MIOS: variants seen among roughly 807,000 people sequenced by gnomAD.
The protein encoded by MIOS is meiosis regulator for oocyte development.
MIOS carries 52 observed loss-of-function variants against 96.9 expected under a neutral mutation model. The observed-to-expected ratio is 0.54, with a 90% confidence interval of 0.43 to 0.68. The LOEUF (loss-of-function observed/expected upper bound fraction) is 0.68, where lower values mean the gene tolerates loss of function less well. Ranked by LOEUF, MIOS falls within the 30% of genes least tolerant of loss-of-function variation. The pLI, the probability that MIOS is intolerant of heterozygous loss-of-function variation, is 0.00. For synonymous variants in MIOS, 397 were observed against 359.5 expected, an observed-to-expected ratio of 1.10 and a Z score of -1.18; for missense variants, 1,005 against 1,052.8, an observed-to-expected ratio of 0.95 and a Z score of 0.63.
At chr7:7,577,716 G>C (rs1343142340) in intron 5 of MIOS, among the ~76,000 whole-genome samples, 1 of 152,122 alleles carries the variant, frequency 6.6e-6, no homozygotes, top group Non-Finnish European at 1.5e-5. Flanking sequence ...CTGTATGCAG[G>C]ATGTTTGAGT....
rs536143390 is a variant in MIOS at position 7,606,987 on chromosome 7, T to A, written c.2532-9T>A. The A allele has an allele frequency of 5.5e-5, 88 of 1,596,352 alleles. No individual in the cohort carries two copies. Among genetic ancestry groups the A allele is most frequent in the Non-Finnish European group, 6.7e-5 (78 of 1,169,384 alleles). ...GGATTTTTAACTGTTATTTGACCTATTTTTTTAGGGACCATGCAGAGTGCC... is the reference window on the plus strand; with the variant it reads ...GGATTTTTAACTGTTATTTGACCTAATTTTTTAGGGACCATGCAGAGTGCC... On this transcript the variant is annotated splice_polypyrimidine_tract_variant and intron_variant, in intron 12 of 12. Coordinates refer to ENST00000340080, the MANE Select transcript of MIOS (RefSeq NM_019005.4).
chr7:7,600,852 A>G (rs987137936), intron 11 of MIOS, among the ~76,000 whole-genome samples: 1 of 152,206 alleles, frequency 6.6e-6, no homozygotes, highest in African/African-American at 2.4e-5. Flanking sequence ...AAGAACAGAA[A>G]TTATAACAAA....
chr7:7,598,033 T>A (rs1234627983), intron 11 of MIOS, among the ~76,000 whole-genome samples: 1 of 152,172 alleles, frequency 6.6e-6, no homozygotes, highest in Non-Finnish European at 1.5e-5. Context: ...TGGGAAAAAA[T>A]TTTGAGAATA....
At chr7:7,582,617 T>C (rs1722505219) in intron 5 of MIOS, 7 of 977,914 alleles carry the variant, frequency 7.2e-6, no homozygotes, top group Non-Finnish European at 7.3e-6. Context: ...TAATCTTGTT[T>C]TTTAATGTAC....
intron 11 of MIOS, chr7:7,605,683 T>A: frequency 3.2e-6 from 1 of 309,794 alleles, no homozygotes. Context: ...ACTGATTTGG[T>A]CTCTCCAAAG....
chr7:7,601,507 C>G (rs2115493843), intron 11 of MIOS, among the ~76,000 whole-genome samples: 1 of 152,192 alleles, frequency 6.6e-6, no homozygotes, highest in Middle Eastern at 3.4e-3. Flanking sequence ...ATACACCCTC[C>G]CAAGACTAAA....
chr7:7,581,611 A>G (rs993219574), intron 5 of MIOS: 13 of 152,208 alleles, frequency 8.5e-5, no homozygotes, highest in African/African-American at 2.9e-4. Context: ...AGTTGTTGGC[A>G]GAATTCAGTT....
At chr7:7,575,100 A>C (rs377154524) in intron 5 of MIOS, among the ~76,000 whole-genome samples, 130 of 152,174 alleles carry the variant, frequency 8.5e-4, no homozygotes, top group African/African-American at 2.8e-3. Flanking sequence ...TCTGTGATCT[A>C]GGATTCGTTC....
intron 3 of MIOS, among the ~76,000 whole-genome samples, chr7:7,568,546 T>C (rs145495056): frequency 2.0e-4 from 31 of 152,408 alleles, no homozygotes; most frequent in Non-Finnish European, 3.4e-4. Flanking sequence ...GCTACTCTTA[T>C]GATGTGCAAC....
intron 11 of MIOS, chr7:7,605,693 G>T: frequency 2.8e-6 from 1 of 357,510 alleles, no homozygotes. Flanking sequence ...TCTCTCCAAA[G>T]TTTTAAATTT....
At chr7:7,600,806 C>T (rs1287142338) in intron 11 of MIOS, among the ~76,000 whole-genome samples, 3 of 152,166 alleles carry the variant, frequency 2.0e-5, no homozygotes. Context: ...AAATTGACCA[C>T]ATAGTTGGAA....
chr7:7,567,280 ACCT>A (rs1163513664), intron 1 of MIOS: 3 of 151,522 alleles, frequency 2.0e-5, no homozygotes, highest in East Asian at 3.9e-4. Context: ...ACCTGCGGAG[ACCT>A]CCTCGGGGCG....
chr7:7,587,787 A>G (rs1017363569), intron 7 of MIOS, among the ~76,000 whole-genome samples: 1 of 152,192 alleles, frequency 6.6e-6, no homozygotes, highest in African/African-American at 2.4e-5. Flanking sequence ...TAAAATTTTC[A>G]TAGGATGACT....
chr7:7,581,910 A>G (rs2115400365), intron 5 of MIOS: 1 of 151,458 alleles, frequency 6.6e-6, no homozygotes, highest in East Asian at 2.0e-4. Flanking sequence ...CCTTAATTAT[A>G]TCTGCAAAAT....
At chr7:7,593,518 A>T (rs1745370155) in intron 9 of MIOS, among the ~76,000 whole-genome samples, 1 of 152,048 alleles carries the variant, frequency 6.6e-6, no homozygotes, top group African/African-American at 2.4e-5. Flanking sequence ...CCAAAGCATC[A>T]TTGGAAGTAG....
chr7:7,608,714 G>C lies in MIOS; in HGVS notation c.*1622G>C, dbSNP rs561162770. ...CTTACTGTCTTAAATATGAAAGTCA[G>C]CTTTAAGTAATGTCAGACTCATATG... is the stretch of plus-strand genomic sequence containing the variant. On this transcript the variant is annotated 3_prime_UTR_variant, in exon 13 of 13. Coordinates refer to ENST00000340080, the MANE Select transcript of MIOS (RefSeq NM_019005.4). The C allele has an allele frequency of 1.3e-5, 2 of 152,030 alleles. No individual in the cohort carries two copies. Among genetic ancestry groups the C allele is most frequent in the South Asian group, 4.1e-4 (2 of 4,822 alleles). The allele number at this position is 152,030 out of a possible 1,614,324, so 9.4% of individuals were successfully genotyped here.
In MIOS at chr7:7,572,555, T is replaced by A. The variant is rs117148568; in HGVS notation, c.80T>A (p.Leu27His). The A allele has an allele frequency of 6.2e-7, 1 of 1,614,136 alleles. No homozygotes were observed. The highest frequency in any genetic ancestry group is 8.5e-7 in the Non-Finnish European group (1 of 1,180,000). ...RFVVCDSELS[L>H]YHVESTVNSE... ...GTTGTGTGTGACTCAGAACTAAGTC[T>A]TTATCATGTGGAATCTACTGTGAAT... Residue 27 changes from leucine to histidine, a missense_variant, in exon 4 of 13, where the codon CTT becomes CAT. By Grantham distance (99) the Leu-to-His change is moderately conservative. Transcript: ENST00000340080. This position sits in a 1 kb window ranked among gnomAD's most constrained non-coding sequence, Gnocchi z 4.8.
chr7:7,575,880 T>C (rs1415335696), intron 5 of MIOS, among the ~76,000 whole-genome samples: 1 of 141,014 alleles, frequency 7.1e-6, no homozygotes, highest in Non-Finnish European at 1.6e-5. Context: ...GGTTTTCAGC[T>C]TTTTTTTTTT....
intron 3 of MIOS, among the ~76,000 whole-genome samples, 185 bp downstream of exon 3, chr7:7,568,308 G>T (rs557733946): frequency 6.6e-6 from 1 of 152,220 alleles, no homozygotes; most frequent in East Asian, 1.9e-4. Context: ...TTGTGAGATG[G>T]AAATGGGATA....
Sources: gnomAD v4.1 joint callset for allele counts (sites outside exome capture counted in the v4.1 genomes callset) on GRCh38, gnomAD v4.1.1 for gene constraint, Gnocchi (gnomAD v3.1) non-coding constraint, MANE v1.5 for transcripts, NCBI Gene and HGNC (gene_info 2026-07-23, HGNC 2026-07-21) for gene names.